The following AGAP3 variants were observed in gnomAD, a reference collection of about 807,000 sequenced individuals.
The protein encoded by AGAP3 is arf-GAP with GTPase, ANK repeat and PH domain-containing protein 3.
Under a neutral mutation model 96.9 loss-of-function variants are expected in AGAP3, and 24 were observed. The observed-to-expected ratio is 0.25, with a 90% CI of 0.18 to 0.35. The LOEUF (loss-of-function observed/expected upper bound fraction) is 0.35. AGAP3 is among the 10% of genes least tolerant of loss of function. The pLI is 1.00. For missense variants in AGAP3, 876 were observed against 1,254.2 expected, an observed-to-expected ratio of 0.70 and a Z score of 4.55; for synonymous variants, 563 against 536.1, an observed-to-expected ratio of 1.05 and a Z score of -0.69.
At chr7:151,095,564 A>T (rs1455242648) in intron 1 of AGAP3, among the ~76,000 whole-genome samples, 1 of 151,886 alleles carries the variant, frequency 6.6e-6, no homozygotes, top group Non-Finnish European at 1.5e-5. Flanking sequence ...CCCTCCAGGG[A>T]TCTCTGCTCT....
intron 10 of AGAP3, among the ~76,000 whole-genome samples, chr7:151,132,001 C>A (rs764755288): frequency 2.6e-5 from 4 of 152,170 alleles, no homozygotes; most frequent in Admixed American, 1.3e-4. Flanking sequence ...CAGGGACTGC[C>A]GACGGGGACC....
intron 8 of AGAP3, chr7:151,123,273 C>G (rs747552864): frequency 8.5e-5 from 89 of 1,051,746 alleles, no homozygotes; most frequent in Non-Finnish European, 9.9e-5. Flanking sequence ...CGGGTGGACT[C>G]TGCCCCAGGA....
Position 151,123,812 on chromosome 7 carries a change from C to T in AGAP3, c.1147C>T (p.Leu383=). 2 of 1,613,156 alleles carry T rather than the reference C, an allele frequency of 1.2e-6. No individual in the cohort carries two copies. The highest frequency in any genetic ancestry group is 1.7e-6 in the Non-Finnish European group (2 of 1,179,976). The change falls in exon 9 of 18, where the codon CTG becomes TTG. Residue 383 remains leucine (L), a synonymous_variant. Transcript: ENST00000397238. ...NIFTSRKGAD[L]DREKKAAECK... ...CTTCCAGTCTCGGAAGGGTGCTGAC[C>T]TGGACCGGGAGAAGAAGGCTGCCGA... is the stretch of plus-strand genomic sequence containing the variant.
chr7:151,128,098 T>C (rs1234285259), intron 9 of AGAP3, among the ~76,000 whole-genome samples: 3 of 152,124 alleles, frequency 2.0e-5, no homozygotes, highest in Non-Finnish European at 4.4e-5. Context: ...TCTGCCCTCT[T>C]ATGGAGCTAC....
rs984839264 is a variant in AGAP3, at chr7:151,140,302, C to T, written c.1804+186C>T. On this transcript the variant is annotated intron_variant, in intron 13 of 17. Transcript: ENST00000397238. This position sits in a 1 kb window ranked among gnomAD's most constrained non-coding sequence, Gnocchi z 5.4. Reference sequence around the variant, plus strand: ...CTAGACCTGGTATCTTAGAAAAGTTCTTCTGATAACTGAAACCCTTTCTGT... The same window carrying T: ...CTAGACCTGGTATCTTAGAAAAGTTTTTCTGATAACTGAAACCCTTTCTGT... The T allele has an allele frequency of 2.9e-5, 17 of 592,160 alleles. No homozygotes were observed. Among genetic ancestry groups the T allele is most frequent in the Middle Eastern group, 5.1e-4 (1 of 1,976 alleles). The allele number at this position is 592,160 out of a possible 1,614,324, so 36.7% of individuals were successfully genotyped here.
In AGAP3 at chr7:151,102,319, C is replaced by T. The variant is rs531663467; in HGVS notation, c.332-14474C>T. 9.9e-5 allele frequency among the ~76,000 whole-genome samples: 15 copies of T among 152,272 alleles called. No homozygotes were observed. In the South Asian group the frequency reaches 2.3e-3, roughly 23 times the overall value. On this transcript the variant is annotated intron_variant, in intron 1 of 17. Coordinates refer to ENST00000397238, the MANE Select transcript of AGAP3 (RefSeq NM_031946.7). The stretch of plus-strand genomic sequence containing the variant: ...GTGCTTTTATTATTAAAATCACTGG[C>T]GTAGTATGTTTTCAAACTACTCAAA...
intron 8 of AGAP3, among the ~76,000 whole-genome samples, chr7:151,122,182 C>T (rs540382452): frequency 5.1e-4 from 78 of 152,364 alleles, no homozygotes; most frequent in African/African-American, 1.8e-3. Flanking sequence ...TCCCATCCAC[C>T]TTCCTCCTCC....
chr7:151,124,876 C>T (rs765126969), intron 9 of AGAP3, among the ~76,000 whole-genome samples: 6 of 152,184 alleles, frequency 3.9e-5, no homozygotes, highest in Non-Finnish European at 7.3e-5. Context: ...GGGTCCCATG[C>T]CGTGATCCGT....
In AGAP3 at chr7:151,117,538, G is replaced by A. The variant is rs184876963; in HGVS notation, c.564+82G>A. ...CTTGCTGGTTGGGACTGGGAGAGGT[G>A]GTATGTCCAGGGAGAAGGGTCTACT... On this transcript the variant is annotated intron_variant, in intron 4 of 17. Transcript: ENST00000397238. The A allele has an allele frequency of 3.1e-6, 5 of 1,612,300 alleles. No homozygotes were observed. In the African/African-American group the frequency reaches 6.7e-5, roughly 22 times the overall value.
intron 1 of AGAP3, among the ~76,000 whole-genome samples, chr7:151,111,389 A>G (rs146292389): frequency 6.6e-6 from 1 of 152,334 alleles, no homozygotes; most frequent in East Asian, 1.9e-4. Flanking sequence ...TCTCCTCGAA[A>G]GAAATCTGCC....
intron 1 of AGAP3, among the ~76,000 whole-genome samples, chr7:151,101,747 C>T (rs1365770106): frequency 6.6e-6 from 1 of 152,088 alleles, no homozygotes; most frequent in African/African-American, 2.4e-5. Context: ...CAGGATAGGC[C>T]GAACCTCCCA....
chr7:151,131,013 C>G (rs1213698007), intron 10 of AGAP3: 1 of 152,294 alleles, frequency 6.6e-6, no homozygotes, highest in South Asian at 2.1e-4. Flanking sequence ...GAGGAAGGAG[C>G]TCCGGCAACT....
intron 1 of AGAP3, among the ~76,000 whole-genome samples, chr7:151,097,517 C>CAA (rs67915216): frequency 9.4e-5 from 9 of 95,632 alleles, no homozygotes; most frequent in Non-Finnish European, 9.1e-5. Flanking sequence ...GACTCTGTCT[C>CAA]AAAAAAAAAA....
At chr7:151,138,782 C>T (rs894364773) in intron 12 of AGAP3, among the ~76,000 whole-genome samples, 5 of 152,266 alleles carry the variant, frequency 3.3e-5, no homozygotes, top group East Asian at 1.9e-4. Flanking sequence ...AGCCACGTTC[C>T]GAAGGCAGCA....
chr7:151,122,905 G>A, intron 8 of AGAP3: 2 of 1,503,130 alleles, frequency 1.3e-6, no homozygotes, highest in African/African-American at 1.4e-5. Flanking sequence ...CCACTCCAGA[G>A]ACCCACGGGA....
intron 9 of AGAP3, 23 bp downstream of exon 9, chr7:151,123,909 G>A (rs374471713): frequency 6.3e-7 from 1 of 1,597,436 alleles, no homozygotes; most frequent in Non-Finnish European, 8.5e-7. Context: ...CTTCCCGTGT[G>A]CTCCAGGGCT....
intron 9 of AGAP3, among the ~76,000 whole-genome samples, chr7:151,126,884 C>G (rs1800202243): frequency 6.6e-6 from 1 of 152,240 alleles, no homozygotes; most frequent in South Asian, 2.1e-4. Flanking sequence ...GGCCAGGTAG[C>G]AGGATGTGTC....
At chr7:151,099,786 T>A (rs1415244667) in intron 1 of AGAP3, among the ~76,000 whole-genome samples, 1 of 152,250 alleles carries the variant, frequency 6.6e-6, no homozygotes, top group Non-Finnish European at 1.5e-5. Flanking sequence ...CATCCTGGCA[T>A]TTTAGGCAGG....
At chr7:151,101,133 C>T (rs185964240) in intron 1 of AGAP3, among the ~76,000 whole-genome samples, 1 of 152,348 alleles carries the variant, frequency 6.6e-6, no homozygotes, top group East Asian at 1.9e-4. Context: ...AGTGGAACTG[C>T]CCAGCCATCC....
Sources: allele counts gnomAD v4.1 joint callset (sites outside exome capture counted in the v4.1 genomes callset), GRCh38; gene constraint gnomAD v4.1.1; non-coding constraint Gnocchi (gnomAD v3.1); transcripts MANE v1.5; gene names NCBI Gene and HGNC (gene_info 2026-07-23, HGNC 2026-07-21).